EFHC2: variants seen among roughly 807,000 people sequenced by gnomAD.
The protein encoded by EFHC2 is EF-hand domain containing 2.
Under a neutral mutation model 52.7 loss-of-function variants are expected in EFHC2, and 18 were observed. The ratio of observed to expected loss-of-function variants is 0.34; its 90% CI spans 0.24 to 0.51. The LOEUF (loss-of-function observed/expected upper bound fraction) is 0.51, where lower values mean the gene tolerates loss of function less well. Among genes scored for constraint, EFHC2 ranks in the 20% least tolerant of loss-of-function variants. The probability of loss-of-function intolerance (pLI) is 0.97; values close to 1 mark genes in which losing one functional copy is unlikely to be tolerated. For missense variants in EFHC2, 513 were observed against 562.5 expected (o/e 0.91, Z 0.89); for synonymous variants, 203 against 204.1 (o/e 0.99, Z 0.04).
chrX:44,333,937 A>G (rs988933042), intron 1 of EFHC2, among the ~76,000 whole-genome samples: 2 of 111,821 alleles, frequency 1.8e-5, no homozygotes, highest in Non-Finnish European at 3.8e-5. Flanking sequence ...CTATTTTGCA[A>G]CTATGAGGTC....
chrX:44,200,678 G>C (rs1292919093), intron 11 of EFHC2, among the ~76,000 whole-genome samples: 1 of 111,800 alleles, frequency 8.9e-6, no homozygotes, highest in Non-Finnish European at 1.9e-5. Flanking sequence ...AGAACAGGTT[G>C]AGAGTTTGAG....
At chrX:44,175,002 T>C (rs886212344) in intron 13 of EFHC2, among the ~76,000 whole-genome samples, 7 of 111,807 alleles carry the variant, frequency 6.3e-5, no homozygotes, top group African/African-American at 1.6e-4. Context: ...TTCCCTGACA[T>C]AGAATTTGGC....
chrX:44,302,936 T>C (rs1852443307), intron 2 of EFHC2, among the ~76,000 whole-genome samples: 1 of 112,147 alleles, frequency 8.9e-6, no homozygotes, highest in East Asian at 2.8e-4. Flanking sequence ...TTTTATAACA[T>C]TCCTAACTGG....
chrX:44,231,531 C>T (rs2147321791), intron 10 of EFHC2, among the ~76,000 whole-genome samples: 1 of 109,232 alleles, frequency 9.2e-6, no homozygotes, highest in Non-Finnish European at 1.9e-5. Context: ...CTGCCCACTC[C>T]TGCCCCCTCC....
At chrX:44,188,096 G>A (rs981790805) in intron 11 of EFHC2, among the ~76,000 whole-genome samples, 1 of 107,447 alleles carries the variant, frequency 9.3e-6, no homozygotes, top group Non-Finnish European at 1.9e-5. Flanking sequence ...TCAGCCTCCC[G>A]AGTATCTGGG....
At chrX:44,245,948 C>T in intron 7 of EFHC2, among the ~76,000 whole-genome samples, 1 of 111,528 alleles carries the variant, frequency 9.0e-6, no homozygotes, top group Non-Finnish European at 1.9e-5. Context: ...TGTGTTGCTG[C>T]TGCTTGTCAG....
At chrX:44,259,561 A>C (rs1954314290) in intron 4 of EFHC2, among the ~76,000 whole-genome samples, 1 of 112,189 alleles carries the variant, frequency 8.9e-6, no homozygotes, top group South Asian at 3.7e-4. Flanking sequence ...AATATACATA[A>C]ATTTTTTTCT....
At chrX:44,288,932 C>T (rs1221848106) in intron 2 of EFHC2, among the ~76,000 whole-genome samples, 9 of 111,620 alleles carry the variant, frequency 8.1e-5, no homozygotes, top group Non-Finnish European at 1.7e-4. Context: ...AGTTTACACA[C>T]TATAAAAATA....
intron 2 of EFHC2, among the ~76,000 whole-genome samples, chrX:44,295,761 A>C (rs1301251256): frequency 2.7e-5 from 3 of 111,134 alleles, no homozygotes; most frequent in African/African-American, 9.8e-5. Context: ...AGGGGTGGGT[A>C]ATGGCAGTTC....
intron 2 of EFHC2, among the ~76,000 whole-genome samples, chrX:44,280,656 C>A (rs2037695075): frequency 8.9e-6 from 1 of 111,887 alleles, no homozygotes; most frequent in Non-Finnish European, 1.9e-5. Context: ...TACAACCATA[C>A]CTGAATTTAA....
chrX:44,180,521 C>T (rs1456708792), intron 11 of EFHC2, among the ~76,000 whole-genome samples: 1 of 111,804 alleles, frequency 8.9e-6, no homozygotes, highest in African/African-American at 3.3e-5. Flanking sequence ...ATGGGCAGAT[C>T]GCCTGAGGTC....
chrX:44,203,777 G>A (rs752255680), intron 11 of EFHC2, among the ~76,000 whole-genome samples: 10 of 110,951 alleles, frequency 9.0e-5, no homozygotes, highest in Non-Finnish European at 1.9e-4. Flanking sequence ...CTTTCGTAGA[G>A]ATTCAGTCTC....
At chrX:44,220,624 C>T (rs1022680610) in intron 11 of EFHC2, among the ~76,000 whole-genome samples, 4 of 111,814 alleles carry the variant, frequency 3.6e-5, no homozygotes, top group African/African-American at 9.8e-5. Context: ...CTAACTGATA[C>T]ATCAAACATT....
chrX:44,289,209 C>T (rs978962850), intron 2 of EFHC2, among the ~76,000 whole-genome samples: 97 of 111,275 alleles, frequency 8.7e-4, no homozygotes, highest in African/African-American at 3.0e-3. Flanking sequence ...TTATATTTCA[C>T]GACCTATTAT....
At chrX:44,181,512 A>G (rs191063481) in intron 11 of EFHC2, among the ~76,000 whole-genome samples, 1 of 112,366 alleles carries the variant, frequency 8.9e-6, no homozygotes, top group Non-Finnish European at 1.9e-5. Flanking sequence ...ACCAGAACAT[A>G]AAAGTTTATT....
In EFHC2 at chrX:44,310,485, C is replaced by T. The variant is rs1024923313; in HGVS notation, c.231+2083G>A. The T allele has an allele frequency of 1.0e-5, 6 of 576,040 alleles. No homozygotes were observed. The Admixed American group carries it at 2.0e-4, about 19-fold the overall frequency. 47.5% of individuals were successfully genotyped at this position (576,040 alleles called of 1,213,427 possible). On this transcript the variant is annotated intron_variant, in intron 2 of 14. Transcript: ENST00000420999. The stretch of plus-strand genomic sequence containing the variant: ...ACGCGGACGGAGAGCATGGTGGTAG[C>T]GCGGCAAAGGAGAGTGAGGGGCCGG...
chrX:44,341,799 T>C (rs776432329), intron 1 of EFHC2, among the ~76,000 whole-genome samples: 17 of 112,705 alleles, frequency 1.5e-4, no homozygotes, highest in African/African-American at 5.5e-4. Context: ...ATTGTGCATC[T>C]TTCTGTATAT....
chrX:44,278,371 C>T (rs1339806991), intron 2 of EFHC2, among the ~76,000 whole-genome samples: 2 of 111,873 alleles, frequency 1.8e-5, no homozygotes, highest in African/African-American at 3.3e-5. Flanking sequence ...GAGTGACATT[C>T]CGTGAAAAAC....
intron 4 of EFHC2, among the ~76,000 whole-genome samples, chrX:44,253,810 CCT>C (rs2037471881): frequency 8.9e-6 from 1 of 112,218 alleles, no homozygotes; most frequent in Non-Finnish European, 1.9e-5. Flanking sequence ...GTCCCTGACC[CCT>C]GTGCCTCCTG....
Sources: gnomAD v4.1 joint callset for allele counts (sites outside exome capture counted in the v4.1 genomes callset) on GRCh38, gnomAD v4.1.1 for gene constraint, MANE v1.5 for transcripts, NCBI Gene and HGNC (gene_info 2026-07-23, HGNC 2026-07-21) for gene names.